CENPP: variants seen among roughly 807,000 people sequenced by gnomAD.
CENPP encodes the protein centromere protein P.
A neutral mutation model predicts 35.6 loss-of-function variants in CENPP; 24 were observed. The ratio of observed to expected loss-of-function variants is 0.67; its 90% CI spans 0.49 to 0.95. The LOEUF (loss-of-function observed/expected upper bound fraction) is 0.95, where lower values mean the gene tolerates loss of function less well. Ranked by LOEUF, CENPP falls within the 40% of genes least tolerant of loss-of-function variation. The pLI is 0.00. For synonymous variants in CENPP, 120 were observed against 125.5 expected (o/e 0.96, Z 0.29); for missense variants, 332 against 345.3 (o/e 0.96, Z 0.31).
Position 92,613,431 on chromosome 9 carries a change from G to T in CENPP, c.*282G>T. 1 of 347,170 alleles carries T rather than the reference G, an allele frequency of 2.9e-6. No homozygotes were observed. The highest frequency in any genetic ancestry group is 5.5e-6 in the Non-Finnish European group (1 of 181,360). The allele number at this position is 347,170 out of a possible 1,614,324, so 21.5% of individuals were successfully genotyped here. ...TGGTTGTGTGTCCTCAGATGTGTGG[G>T]GAGGATCCATCCCCCACCCACTGCA... is the stretch of plus-strand genomic sequence containing the variant. On this transcript the variant is annotated 3_prime_UTR_variant, in exon 8 of 8. Coordinates refer to ENST00000375587, the MANE Select transcript of CENPP (RefSeq NM_001012267.3).
intron 5 of CENPP, chr9:92,459,618 G>A (rs1445577591): frequency 1.2e-6 from 2 of 1,610,830 alleles, no homozygotes; most frequent in African/African-American, 2.7e-5. Flanking sequence ...CTGAACACAA[G>A]TAGAATGTTT....
intron 5 of CENPP, chr9:92,509,917 C>G: frequency 6.2e-7 from 1 of 1,602,744 alleles, no homozygotes; most frequent in South Asian, 1.1e-5. Context: ...CTTTCTTCAT[C>G]GATAGCCTGA....
intron 3 of CENPP, among the ~76,000 whole-genome samples, 198 bp from the exon 4 acceptor site, chr9:92,345,501 A>G (rs1841265571): frequency 6.6e-6 from 1 of 151,952 alleles, no homozygotes; most frequent in African/African-American, 2.4e-5. Context: ...CAAAAAAAAA[A>G]AAAAAAGGCA....
At chr9:92,352,408 G>A (rs1017908411) in intron 4 of CENPP, among the ~76,000 whole-genome samples, 14 of 147,230 alleles carry the variant, frequency 9.5e-5, no homozygotes, top group African/African-American at 3.6e-4. Context: ...AGATAGTTCT[G>A]TGAATCTGTC....
At chr9:92,493,125 T>C (rs1030955890) in intron 5 of CENPP, among the ~76,000 whole-genome samples, 2 of 152,184 alleles carry the variant, frequency 1.3e-5, no homozygotes, top group African/African-American at 4.8e-5. Context: ...TAAAACCTAG[T>C]GTGTCATTTA....
In CENPP at chr9:92,346,022, A is replaced by G. The variant is rs567915510; in HGVS notation, c.467+235A>G. On this transcript the variant is annotated intron_variant, in intron 4 of 7. Coordinates refer to ENST00000375587, the MANE Select transcript of CENPP (RefSeq NM_001012267.3). ...TATTAAAATTAAAATGTGAGCAAAAAAAGACACAATCCTCAGTCCTCATGG... is the reference window on the plus strand; with the variant it reads ...TATTAAAATTAAAATGTGAGCAAAAGAAGACACAATCCTCAGTCCTCATGG... Among the ~76,000 whole-genome samples, 77 of 152,320 alleles carry G rather than the reference A, an allele frequency of 5.1e-4. 1 individual carries two copies. Among genetic ancestry groups the G allele is most frequent in the Non-Finnish European group, 6.8e-4 (46 of 68,036 alleles).
intron 5 of CENPP, among the ~76,000 whole-genome samples, chr9:92,471,901 A>C (rs12336884): frequency 0.37 from 55,995 of 151,702 alleles, 12,598 homozygotes; most frequent in African/African-American, 0.63. Flanking sequence ...CTCAAGCGAG[A>C]TGCCTGCCTT....
At chr9:92,556,206 C>CA (rs1849720856) in intron 5 of CENPP, among the ~76,000 whole-genome samples, 1 of 152,042 alleles carries the variant, frequency 6.6e-6, no homozygotes, top group Non-Finnish European at 1.5e-5. Flanking sequence ...TTGAAGTTTC[C>CA]TTTTGGAATT....
intron 4 of CENPP, among the ~76,000 whole-genome samples, chr9:92,353,372 C>A (rs544526544): frequency 7.2e-5 from 11 of 152,268 alleles, no homozygotes; most frequent in African/African-American, 2.4e-4. Context: ...GATGGAGCGA[C>A]CCAAACCTTC....
intron 5 of CENPP, among the ~76,000 whole-genome samples, chr9:92,503,010 G>A (rs1846784733): frequency 6.6e-6 from 1 of 151,866 alleles, no homozygotes; most frequent in South Asian, 2.1e-4. Flanking sequence ...GTCTCACCAT[G>A]TTGCTCAGGC....
chr9:92,492,152 C>T (rs1278612715), intron 5 of CENPP, among the ~76,000 whole-genome samples: 1 of 152,196 alleles, frequency 6.6e-6, no homozygotes, highest in Non-Finnish European at 1.5e-5. Context: ...ATTAGAGAAA[C>T]CATTTTTGCC....
intron 5 of CENPP, among the ~76,000 whole-genome samples, chr9:92,581,873 A>C (rs1850433931): frequency 6.6e-6 from 1 of 152,216 alleles, no homozygotes. Context: ...AGGTTGCTTG[A>C]AATTAAAATG....
At position 92,601,870 on chromosome 9, in the gene CENPP, CAG is replaced by C. The variant is rs77410884; in HGVS notation, c.565-9443_565-9442del. ...TGTTTTGAATATGGGTGTGCACAGA[CAG>C]GGGTGGAAGTGGCTGCAAGTGGCTC... is the stretch of plus-strand genomic sequence containing the variant. On this transcript the variant is annotated intron_variant, in intron 5 of 7. Transcript: ENST00000375587. Among the ~76,000 whole-genome samples the C allele has an allele frequency of 7.4e-3, 1,133 of 152,320 alleles. 11 individuals carry two copies. Among genetic ancestry groups the C allele is most frequent in the African/African-American group, 0.025 (1,019 of 41,564 alleles).
chr9:92,369,003 C>A (rs1841950072), intron 4 of CENPP, among the ~76,000 whole-genome samples: 1 of 152,156 alleles, frequency 6.6e-6, no homozygotes, highest in African/African-American at 2.4e-5. Context: ...ACGATCATGC[C>A]ACTGCACTCC....
chr9:92,547,313 G>C (rs900851748), intron 5 of CENPP, among the ~76,000 whole-genome samples: 4 of 152,162 alleles, frequency 2.6e-5, no homozygotes, highest in Non-Finnish European at 5.9e-5. Flanking sequence ...ATCCCCAAGA[G>C]AACTGAAAAC....
intron 5 of CENPP, among the ~76,000 whole-genome samples, chr9:92,434,561 A>G (rs1844200822): frequency 6.6e-6 from 1 of 152,218 alleles, no homozygotes; most frequent in African/African-American, 2.4e-5. Context: ...GAGAAAGTTC[A>G]GATATAAGCT....
chr9:92,351,387 G>C (rs1396679203), intron 4 of CENPP, among the ~76,000 whole-genome samples: 1 of 151,430 alleles, frequency 6.6e-6, no homozygotes, highest in Admixed American at 6.6e-5. Context: ...GGCTGAGGCA[G>C]GAGAATCGCT....
At chr9:92,429,795 TCA>T (rs1364401781) in intron 5 of CENPP, among the ~76,000 whole-genome samples, 4 of 151,136 alleles carry the variant, frequency 2.6e-5, no homozygotes, top group African/African-American at 9.8e-5. Flanking sequence ...CTCAAAATCA[TCA>T]TCATCATCAT....
At chr9:92,387,447 G>A (rs1842481622) in intron 5 of CENPP, among the ~76,000 whole-genome samples, 1 of 151,612 alleles carries the variant, frequency 6.6e-6, no homozygotes, top group South Asian at 2.1e-4. Flanking sequence ...TTAGCTTGAT[G>A]CAGGTTTTTT....
Sources: gnomAD v4.1 joint callset for allele counts (sites outside exome capture counted in the v4.1 genomes callset) on GRCh38, gnomAD v4.1.1 for gene constraint, MANE v1.5 for transcripts, NCBI Gene and HGNC (gene_info 2026-07-23, HGNC 2026-07-21) for gene names.